AAMDC: variants seen among roughly 807,000 people sequenced by gnomAD.
AAMDC encodes mth938 domain-containing protein.
In AAMDC, 16 loss-of-function variants were observed where a neutral mutation model predicts 15.5. The ratio of observed to expected loss-of-function variants is 1.03; its 90% confidence interval spans 0.70 to 1.57. The LOEUF (loss-of-function observed/expected upper bound fraction) is 1.57. Among genes scored for constraint, AAMDC ranks in the 40% most tolerant of loss-of-function variants. The probability of loss-of-function intolerance (pLI) is 0.00; values close to 1 mark genes in which losing one functional copy is unlikely to be tolerated. For missense variants in AAMDC, 141 were observed against 144.9 expected (o/e 0.97, Z 0.14); for synonymous variants, 51 against 51.6 (o/e 0.99, Z 0.05).
At chr11:77,821,727 G>T (rs1008996461) in intron 1 of AAMDC, among the ~76,000 whole-genome samples, 1 of 151,964 alleles carries the variant, frequency 6.6e-6, no homozygotes, top group South Asian at 2.1e-4. Flanking sequence ...ACTTCGGGGC[G>T]GGGCGGGGGC....
At chr11:77,884,849 G>A (rs1158117750) in intron 5 of AAMDC, 1 of 371,116 alleles carries the variant, frequency 2.7e-6, no homozygotes, top group Admixed American at 2.7e-5. Flanking sequence ...CAAACTCCTG[G>A]GCGCAAGTGA....
intron 2 of AAMDC, among the ~76,000 whole-genome samples, chr11:77,855,712 T>G (rs1950589154): frequency 8.5e-6 from 1 of 117,364 alleles, no homozygotes; most frequent in Non-Finnish European, 1.6e-5. Flanking sequence ...TAAGTTCCAG[T>G]TTTATGTCTT....
chr11:77,897,667 A>AT (rs35910839), intron 5 of AAMDC, among the ~76,000 whole-genome samples: 55,406 of 145,744 alleles, frequency 0.38, 10,707 homozygotes, highest in African/African-American at 0.47. Flanking sequence ...CGCCCGGCTA[A>AT]TTTTTTTTTT....
chr11:77,873,826 G>T (rs1332474748), downstream of AAMDC, among the ~76,000 whole-genome samples: 1 of 152,162 alleles, frequency 6.6e-6, no homozygotes, highest in East Asian at 1.9e-4. Context: ...TTACTTGGCA[G>T]CTCTTTTAAC....
intron 2 of AAMDC, among the ~76,000 whole-genome samples, chr11:77,859,863 C>T (rs572039169): frequency 1.3e-5 from 2 of 152,346 alleles, no homozygotes; most frequent in East Asian, 1.9e-4. Context: ...TCAAGTAATA[C>T]AGCCTGATAT....
At chr11:77,853,993 C>CTTT (rs571437470) in intron 2 of AAMDC, among the ~76,000 whole-genome samples, 3 of 138,414 alleles carry the variant, frequency 2.2e-5, no homozygotes, top group East Asian at 2.2e-4. Flanking sequence ...CCTCCAAATT[C>CTTT]TTTTTTTTTT....
chr11:77,880,543 T>C (rs1951752769), intron 5 of AAMDC, among the ~76,000 whole-genome samples: 1 of 152,150 alleles, frequency 6.6e-6, no homozygotes. Context: ...TCCAGATGAA[T>C]CTCCCACTTA....
chr11:77,833,102 C>T (rs1477506906), intron 1 of AAMDC, among the ~76,000 whole-genome samples: 6 of 148,318 alleles, frequency 4.0e-5, no homozygotes, highest in East Asian at 2.0e-4. Context: ...CCTCAATCTC[C>T]GAGGTTCAAG....
downstream of AAMDC, chr11:77,877,071 G>C (rs769312486): frequency 2.8e-6 from 2 of 702,350 alleles, no homozygotes; most frequent in East Asian, 2.7e-5. Flanking sequence ...AGAAAAGTCA[G>C]CTCCCTGGAG....
intron 5 of AAMDC, among the ~76,000 whole-genome samples, chr11:77,878,148 G>A (rs1261175668): frequency 6.6e-6 from 1 of 152,066 alleles, no homozygotes; most frequent in Non-Finnish European, 1.5e-5. Flanking sequence ...AGATCACGAG[G>A]TCAGGAGATC....
At chr11:77,827,540 C>G (rs183261459) in intron 1 of AAMDC, among the ~76,000 whole-genome samples, 120 of 152,268 alleles carry the variant, frequency 7.9e-4, no homozygotes, top group African/African-American at 2.7e-3. Flanking sequence ...ACATAGTCAT[C>G]TCAATAGATG....
downstream of AAMDC, among the ~76,000 whole-genome samples, chr11:77,874,510 T>C (rs1800128041): frequency 6.6e-6 from 1 of 152,126 alleles, no homozygotes; most frequent in South Asian, 2.1e-4. Context: ...GAGACAGAAG[T>C]ATCTGTCAGT....
At chr11:77,876,958 C>G (rs887885762), downstream of AAMDC, 7 of 703,200 alleles carry the variant, frequency 1.0e-5, no homozygotes, top group East Asian at 1.9e-4. Flanking sequence ...AGGCTCCAAC[C>G]CAGCAGCTGC....
intron 2 of AAMDC, among the ~76,000 whole-genome samples, chr11:77,845,257 A>G (rs1950094568): frequency 6.6e-6 from 1 of 152,106 alleles, no homozygotes; most frequent in Non-Finnish European, 1.5e-5. Flanking sequence ...GGTGTCCTAC[A>G]GGTCTCTGAG....
At chr11:77,875,575 T>C (rs765543858), downstream of AAMDC, among the ~76,000 whole-genome samples, 1 of 152,208 alleles carries the variant, frequency 6.6e-6, no homozygotes, top group African/African-American at 2.4e-5. Flanking sequence ...ATTCTTCCAA[T>C]TGCTGTTATC....
intron 5 of AAMDC, among the ~76,000 whole-genome samples, chr11:77,897,849 C>T (rs1431789228): frequency 1.3e-5 from 2 of 151,858 alleles, no homozygotes; most frequent in East Asian, 3.9e-4. Context: ...TGTTCTGTTG[C>T]CCAAGTTGGA....
chr11:77,904,455 C>T (rs1212228244), downstream of AAMDC, among the ~76,000 whole-genome samples: 1 of 152,140 alleles, frequency 6.6e-6, no homozygotes, highest in Non-Finnish European at 1.5e-5. Context: ...TTTCACCATG[C>T]AGTATTTTTT....
downstream of AAMDC, chr11:77,903,440 G>T (rs1016836086): frequency 5.6e-6 from 9 of 1,606,776 alleles, no homozygotes; most frequent in African/African-American, 1.2e-4. Context: ...TTCCTGCAAG[G>T]CCTACACAGA....
chr11:77,830,987 C>CAAAAAAAAAAAAAAAAAAAAA (rs59283485), intron 1 of AAMDC, among the ~76,000 whole-genome samples: 1 of 100,514 alleles, frequency 9.9e-6, no homozygotes, highest in African/African-American at 3.7e-5. Flanking sequence ...CAAAATATAC[C>CAAAAAAAAAAAAAAAAAAAAA]AAAAAAAAAA....
Sources: allele counts gnomAD v4.1 joint callset (sites outside exome capture counted in the v4.1 genomes callset), GRCh38; gene constraint gnomAD v4.1.1; transcripts MANE v1.5; gene names NCBI Gene and HGNC (gene_info 2026-07-23, HGNC 2026-07-21).